Variants in SNX29 observed in about 807,000 individuals in gnomAD.
SNX29 encodes the protein sorting nexin 29, also known as sorting nexin-29.
In SNX29, 78 loss-of-function variants were observed where a neutral mutation model predicts 102.1. That is an observed-to-expected ratio of 0.76 (90% CI 0.64 to 0.92). The LOEUF is 0.92. SNX29 is among the 40% of genes least tolerant of loss of function. The pLI, the probability that SNX29 is intolerant of heterozygous loss-of-function variation, is 0.00. For synonymous variants in SNX29, 580 were observed against 414.5 expected (o/e 1.40, Z -4.85); for missense variants, 1,280 against 1,061.7 (o/e 1.21, Z -2.86).
At chr16:12,348,960 C>T (rs1366867191) in intron 15 of SNX29, among the ~76,000 whole-genome samples, 1 of 152,172 alleles carries the variant, frequency 6.6e-6, no homozygotes, top group Non-Finnish European at 1.5e-5. Context: ...CACCATCGCC[C>T]CTCTGGGAAG....
chr16:12,494,291 C>T (rs2088699281), intron 19 of SNX29, among the ~76,000 whole-genome samples: 1 of 152,108 alleles, frequency 6.6e-6, no homozygotes, highest in Non-Finnish European at 1.5e-5. Flanking sequence ...GCGTGCCTGG[C>T]CCCCGTTCCC....
At chr16:12,523,112 C>A (rs1300279180) in intron 19 of SNX29, among the ~76,000 whole-genome samples, 2 of 152,170 alleles carry the variant, frequency 1.3e-5, no homozygotes, top group African/African-American at 4.8e-5. Context: ...CCACACCTGG[C>A]CTGTGGGAGC....
Position 12,052,081 on chromosome 16 carries a change from C to A in SNX29, c.983C>A (p.Ser328Tyr). The A allele has an allele frequency of 1.9e-6, 3 of 1,613,934 alleles. No homozygotes were observed. Among genetic ancestry groups the A allele is most frequent in the Non-Finnish European group, 2.5e-6 (3 of 1,179,870 alleles). ...AGCAGCAACTCATGGAAAATTGATT[C>A]CCTGTCTTTGAACGGGGAGTTTGGG... Reference protein sequence around the residue: ...SQSSNSWKIDSLSLNGEFGYQ... With the variant: ...SQSSNSWKIDYLSLNGEFGYQ... Residue 328 changes from serine to tyrosine, a missense_variant, in exon 8 of 21, where the codon TCC becomes TAC. By Grantham distance (144) the Ser-to-Tyr change is moderately radical. Coordinates refer to ENST00000566228, the MANE Select transcript of SNX29 (RefSeq NM_032167.5).
At chr16:12,164,742 C>G (rs577549123) in intron 13 of SNX29, among the ~76,000 whole-genome samples, 1 of 130,548 alleles carries the variant, frequency 7.7e-6, no homozygotes, top group Admixed American at 9.2e-5. Flanking sequence ...GGCTGGAGTG[C>G]GGTGGTATGA....
intron 15 of SNX29, among the ~76,000 whole-genome samples, chr16:12,316,310 C>T (rs573434922): frequency 1.6e-4 from 24 of 152,200 alleles, no homozygotes; most frequent in Non-Finnish European, 2.9e-4. Context: ...ATCACAAGGC[C>T]GAGGTGGGTG....
chr16:12,496,597 G>C (rs2088839012), intron 19 of SNX29, among the ~76,000 whole-genome samples: 1 of 145,522 alleles, frequency 6.9e-6, no homozygotes, highest in African/African-American at 2.6e-5. Flanking sequence ...TGCAACCTCT[G>C]CCTCCTGGGT....
chr16:12,543,809 C>A (rs1341625104), intron 20 of SNX29, among the ~76,000 whole-genome samples: 1 of 152,312 alleles, frequency 6.6e-6, no homozygotes, highest in East Asian at 1.9e-4. Flanking sequence ...TTCTCCCAGC[C>A]CATGAGACAG....
At chr16:12,307,770 G>A (rs992540705) in intron 15 of SNX29, among the ~76,000 whole-genome samples, 1 of 152,208 alleles carries the variant, frequency 6.6e-6, no homozygotes, top group Non-Finnish European at 1.5e-5. Flanking sequence ...TGGCTGGTAG[G>A]CACCAATGTA....
chr16:12,441,884 A>G (rs550822560), intron 18 of SNX29, among the ~76,000 whole-genome samples: 1 of 152,160 alleles, frequency 6.6e-6, no homozygotes, highest in East Asian at 1.9e-4. Context: ...CGCCTCCTGG[A>G]TTCAGGCTAT....
chr16:12,172,597 A>G (rs1256357488), intron 13 of SNX29, among the ~76,000 whole-genome samples: 2 of 152,198 alleles, frequency 1.3e-5, no homozygotes, highest in African/African-American at 4.8e-5. Context: ...CCTTTCAGCA[A>G]TGTTGAAGGA....
At chr16:12,330,884 A>G (rs1403300856) in intron 15 of SNX29, among the ~76,000 whole-genome samples, 2 of 152,196 alleles carry the variant, frequency 1.3e-5, no homozygotes, top group Non-Finnish European at 2.9e-5. Flanking sequence ...TTGCCTGCAA[A>G]GGCTCCTGGG....
chr16:12,330,442 G>C (rs1324178599), intron 15 of SNX29, among the ~76,000 whole-genome samples: 1 of 152,212 alleles, frequency 6.6e-6, no homozygotes, highest in Non-Finnish European at 1.5e-5. Flanking sequence ...ACTCCAGCCT[G>C]AAATGGGCTT....
intron 15 of SNX29, among the ~76,000 whole-genome samples, chr16:12,338,002 C>T (rs2081503751): frequency 6.6e-6 from 1 of 152,188 alleles, no homozygotes; most frequent in Non-Finnish European, 1.5e-5. Context: ...AGGTTCTCTT[C>T]ACAGCGACTG....
intron 18 of SNX29, among the ~76,000 whole-genome samples, chr16:12,464,302 C>T (rs74901688): frequency 0.011 from 1,715 of 151,932 alleles, 10 homozygotes; most frequent in South Asian, 0.016. Flanking sequence ...TATATAGACA[C>T]ACCACATTTT....
intron 13 of SNX29, among the ~76,000 whole-genome samples, chr16:12,131,647 G>T (rs985012884): frequency 2.6e-5 from 4 of 152,172 alleles, no homozygotes; most frequent in African/African-American, 9.7e-5. Flanking sequence ...GGAAAGATAA[G>T]CAGTTTATTG....
At chr16:12,163,994 A>T (rs555384414) in intron 13 of SNX29, among the ~76,000 whole-genome samples, 14 of 152,316 alleles carry the variant, frequency 9.2e-5, no homozygotes, top group Admixed American at 2.6e-4. Flanking sequence ...ACAGTACAAG[A>T]TGATGATGTG....
At chr16:12,243,153 G>T (rs146992137) in intron 14 of SNX29, among the ~76,000 whole-genome samples, 3 of 152,258 alleles carry the variant, frequency 2.0e-5, no homozygotes, top group African/African-American at 7.2e-5. Flanking sequence ...GTATCTTTCA[G>T]TGCAGGCCTG....
intron 18 of SNX29, among the ~76,000 whole-genome samples, chr16:12,413,600 C>G (rs375649286): frequency 1.3e-5 from 2 of 151,810 alleles, no homozygotes; most frequent in Non-Finnish European, 2.9e-5. Flanking sequence ...AATGGCACCT[C>G]GGAAGCAACG....
At chr16:12,502,516 C>T (rs533417545) in intron 19 of SNX29, among the ~76,000 whole-genome samples, 2 of 152,136 alleles carry the variant, frequency 1.3e-5, no homozygotes, top group Admixed American at 6.6e-5. Context: ...AACTCTGACT[C>T]TCATCAGCTT....
Sources: allele counts gnomAD v4.1 joint callset (sites outside exome capture counted in the v4.1 genomes callset), GRCh38; gene constraint gnomAD v4.1.1; transcripts MANE v1.5; gene names NCBI Gene and HGNC (gene_info 2026-07-23, HGNC 2026-07-21).